CADPS2: variants seen among roughly 807,000 people sequenced by gnomAD.
CADPS2 encodes calcium dependent secretion activator 2.
In CADPS2, 93 loss-of-function variants were observed where a neutral mutation model predicts 172.5. The ratio of observed to expected loss-of-function variants is 0.54; its 90% CI spans 0.46 to 0.64. The LOEUF (loss-of-function observed/expected upper bound fraction) is 0.64. Among genes scored for constraint, CADPS2 ranks in the 30% least tolerant of loss-of-function variants. The pLI, the probability that CADPS2 is intolerant of heterozygous loss-of-function variation, is 0.00. For synonymous variants in CADPS2, 546 were observed against 555.2 expected, an observed-to-expected ratio of 0.98 and a Z score of 0.23; for missense variants, 1,420 against 1,565.9, an observed-to-expected ratio of 0.91 and a Z score of 1.57.
intron 27 of CADPS2, among the ~76,000 whole-genome samples, chr7:122,360,116 A>C (rs2039937536): frequency 6.6e-6 from 1 of 152,220 alleles, no homozygotes; most frequent in African/African-American, 2.4e-5. Flanking sequence ...ATAAATGATT[A>C]AACAGAACAC....
At chr7:122,702,841 A>T (rs2086388649) in intron 2 of CADPS2, 1 of 948,902 alleles carries the variant, frequency 1.1e-6, no homozygotes, top group African/African-American at 1.7e-5. Context: ...TTGGCGGCAG[A>T]TTACTAAAGC....
rs148511056 is a variant in CADPS2 at position 122,757,478 on chromosome 7, A to G, written c.340-20410T>C. Among the ~76,000 whole-genome samples, 192 of 152,206 alleles carry G rather than the reference A, an allele frequency of 1.3e-3. 2 individuals are homozygous for G. The highest frequency in any genetic ancestry group is 0.011 in the Admixed American group (165 of 15,268). ...TGTTTTTTAAAGCATTCTGTACTACAATAAATTTAGCACCCCAGGGATGGT... is the reference window on the plus strand; with the variant it reads ...TGTTTTTTAAAGCATTCTGTACTACGATAAATTTAGCACCCCAGGGATGGT... On this transcript the variant is annotated intron_variant, in intron 1 of 29. Transcript: ENST00000449022.
At chr7:122,434,405 T>C (rs1335658261) in intron 17 of CADPS2, among the ~76,000 whole-genome samples, 4 of 152,098 alleles carry the variant, frequency 2.6e-5, no homozygotes, top group Non-Finnish European at 4.4e-5. Context: ...CCAAGCAAAC[T>C]TGCTTATAAC....
chr7:122,419,690 C>T (rs936387733), intron 17 of CADPS2, among the ~76,000 whole-genome samples: 1 of 152,040 alleles, frequency 6.6e-6, no homozygotes, highest in Non-Finnish European at 1.5e-5. Context: ...GCAATCTATG[C>T]CTCCCATAAA....
intron 2 of CADPS2, among the ~76,000 whole-genome samples, chr7:122,664,696 C>T (rs1471281226): frequency 6.6e-6 from 1 of 152,200 alleles, no homozygotes; most frequent in Admixed American, 6.5e-5. Flanking sequence ...TGTCAAAAGA[C>T]TCTCCCAGAA....
rs775439742 is a variant in CADPS2 at position 122,471,541 on chromosome 7, C to T, written c.2020G>A (p.Val674Ile). ...SCLGWFSPGQ[V>I]FVLDEYCARY... The stretch of plus-strand genomic sequence containing the variant: ...GCACAGTACTCATCTAACACAAAGA[C>T]TTGGCCAGGGCTAAACCATCCCTGC... Residue 674 changes from valine (V) to isoleucine (I), a missense_variant, in exon 14 of 30, where the codon GTC (valine) becomes ATC (isoleucine). Transcript: ENST00000449022. 1 of 1,603,658 alleles carries T rather than the reference C, an allele frequency of 6.2e-7. No individual in the cohort carries two copies. The highest frequency in any genetic ancestry group is 8.5e-7 in the Non-Finnish European group (1 of 1,174,818).
chr7:122,709,499 C>T (rs911186690), intron 2 of CADPS2, among the ~76,000 whole-genome samples: 4 of 151,602 alleles, frequency 2.6e-5, no homozygotes, highest in Non-Finnish European at 5.9e-5. Context: ...GCCAGTGCAG[C>T]GATTCCTCAG....
At chr7:122,589,552 T>C (rs113114188) in intron 6 of CADPS2, among the ~76,000 whole-genome samples, 275 of 152,030 alleles carry the variant, frequency 1.8e-3, no homozygotes, top group African/African-American at 6.2e-3. Context: ...ATAACACTAA[T>C]GTACTTCAGC....
rs541420475 is a variant in CADPS2, at chr7:122,828,873, A to G, written c.339+57126T>C. Among the ~76,000 whole-genome samples the G allele has an allele frequency of 2.6e-5, 4 of 152,324 alleles. No individual in the cohort carries two copies. The East Asian group carries it at 5.8e-4, about 22-fold the overall frequency. ...GCCATGGGTCAAGAAATGCTAGGTC[A>G]GGGTGGACTTCTGTTGAGTCTGGGG... On this transcript the variant is annotated intron_variant, in intron 1 of 29. Coordinates refer to ENST00000449022, the MANE Select transcript of CADPS2 (RefSeq NM_017954.11).
intron 2 of CADPS2, among the ~76,000 whole-genome samples, chr7:122,665,918 G>T (rs929542080): frequency 1.3e-5 from 2 of 152,132 alleles, no homozygotes; most frequent in African/African-American, 4.8e-5. Flanking sequence ...TATATGCATA[G>T]TGCTTTAAAT....
chr7:122,615,566 C>T (rs1015821619), intron 5 of CADPS2, among the ~76,000 whole-genome samples: 1 of 151,952 alleles, frequency 6.6e-6, no homozygotes, highest in African/African-American at 2.4e-5. Flanking sequence ...TAAATATAAG[C>T]CATAGTGAAT....
At chr7:122,801,266 C>T (rs994155949) in intron 1 of CADPS2, among the ~76,000 whole-genome samples, 17 of 151,968 alleles carry the variant, frequency 1.1e-4, no homozygotes, top group African/African-American at 3.4e-4. Context: ...AGCCAATGTA[C>T]GTTATAAGAA....
Position 122,527,617 on chromosome 7 carries a change from A to AGAGAGAGAGAGAGAGAGTGTGTGT in CADPS2, c.1476-14303_1476-14302insACACACACTCTCTCTCTCTCTCTC. Among the ~76,000 whole-genome samples the AGAGAGAGAGAGAGAGAGTGTGTGT allele has an allele frequency of 1.0e-3, 86 of 83,834 alleles. 1 individual carries two copies. Among genetic ancestry groups the AGAGAGAGAGAGAGAGAGTGTGTGT allele is most frequent in the Non-Finnish European group, 1.6e-3 (63 of 38,296 alleles). 55.0% of individuals were successfully genotyped at this position (83,834 alleles called of 152,430 possible). A position where few individuals can be genotyped will look rare whatever the true frequency, so the allele number is the denominator to read the frequency against. ...GAGAGAGAGAGAGAGAGAGAGAGAGAGTGTGTGTGTGTGTGTGTGTGTGTG... is the reference window on the plus strand; with the variant it reads ...GAGAGAGAGAGAGAGAGAGAGAGAGAGAGAGAGAGAGAGAGAGTGTGTGTGTGTGTGTGTGTGTGTGTGTGTGTG... On this transcript the variant is annotated intron_variant, in intron 8 of 29. Transcript: ENST00000449022.
At chr7:122,447,436 G>C (rs1361363162) in intron 15 of CADPS2, among the ~76,000 whole-genome samples, 2 of 151,266 alleles carry the variant, frequency 1.3e-5, no homozygotes, top group Non-Finnish European at 2.9e-5. Context: ...ACATGCTCCA[G>C]TCAGAACTGA....
intron 12 of CADPS2, among the ~76,000 whole-genome samples, chr7:122,476,826 T>C (rs2056670887): frequency 6.6e-6 from 1 of 152,158 alleles, no homozygotes; most frequent in African/African-American, 2.4e-5. Context: ...ACATTTTTAC[T>C]TTCTTTCTAC....
chr7:122,448,016 T>C (rs1408750853), intron 15 of CADPS2, among the ~76,000 whole-genome samples: 3 of 152,142 alleles, frequency 2.0e-5, no homozygotes, highest in East Asian at 3.9e-4. Flanking sequence ...GAATTCTAGG[T>C]TGGAAATGAT....
chr7:122,705,090 C>G (rs913210384), intron 2 of CADPS2, among the ~76,000 whole-genome samples: 8 of 151,948 alleles, frequency 5.3e-5, no homozygotes, highest in Non-Finnish European at 1.2e-4. Flanking sequence ...GACAATGCTT[C>G]CATCAAGGAT....
intron 2 of CADPS2, among the ~76,000 whole-genome samples, chr7:122,690,411 C>T (rs993246051): frequency 9.2e-5 from 14 of 152,146 alleles, no homozygotes; most frequent in East Asian, 3.9e-4. Flanking sequence ...CGTTCCCCTA[C>T]GAACGGCTAA....
chr7:122,807,028 G>C (rs1022141583), intron 1 of CADPS2, among the ~76,000 whole-genome samples: 6 of 152,288 alleles, frequency 3.9e-5, no homozygotes, highest in African/African-American at 1.4e-4. Flanking sequence ...TTTGTCATTA[G>C]GGGATACTGT....
Sources: allele counts gnomAD v4.1 joint callset (sites outside exome capture counted in the v4.1 genomes callset), GRCh38; gene constraint gnomAD v4.1.1; transcripts MANE v1.5; gene names NCBI Gene and HGNC (gene_info 2026-07-23, HGNC 2026-07-21).